COP1: variants seen among roughly 807,000 people sequenced by gnomAD.
COP1 encodes E3 ubiquitin-protein ligase COP1.
Under a neutral mutation model 101.3 loss-of-function variants are expected in COP1, and 24 were observed. The observed-to-expected ratio is 0.24, with a 90% confidence interval of 0.17 to 0.33. COP1 has a LOEUF of 0.33. Ranked by LOEUF, COP1 falls within the 10% of genes least tolerant of loss-of-function variation. COP1 has a pLI of 1.00. For missense variants in COP1, 663 were observed against 906.2 expected (o/e 0.73, Z 3.45); for synonymous variants, 347 against 341.9 (o/e 1.01, Z -0.17).
chr1:176,094,332 C>T (rs1313894829), intron 9 of COP1, among the ~76,000 whole-genome samples: 2 of 151,714 alleles, frequency 1.3e-5, no homozygotes, highest in Non-Finnish European at 2.9e-5. Flanking sequence ...ATATGCAACA[C>T]TTGGGTCATC....
intron 18 of COP1, among the ~76,000 whole-genome samples, chr1:175,969,534 C>T (rs1652831846): frequency 6.6e-6 from 1 of 152,158 alleles, no homozygotes. Context: ...AGTTTATTAC[C>T]ATTAGATCAT....
intron 1 of COP1, among the ~76,000 whole-genome samples, chr1:176,197,744 A>T (rs1326656103): frequency 2.0e-5 from 3 of 152,252 alleles, no homozygotes; most frequent in African/African-American, 7.2e-5. Flanking sequence ...ATTCATATAC[A>T]GATAACATGA....
At chr1:176,112,312 T>C (rs986402478) in intron 9 of COP1, among the ~76,000 whole-genome samples, 58 of 152,168 alleles carry the variant, frequency 3.8e-4, no homozygotes, top group Non-Finnish European at 8.1e-4. Context: ...ACATTTTTTT[T>C]AAATTTTATT....
intron 14 of COP1, among the ~76,000 whole-genome samples, chr1:176,029,398 C>T (rs1442785487): frequency 2.0e-5 from 3 of 152,018 alleles, no homozygotes; most frequent in South Asian, 2.1e-4. Flanking sequence ...AATGAGTTGC[C>T]ATTTTACAAA....
At chr1:176,163,200 G>A (rs1694598808) in intron 4 of COP1, among the ~76,000 whole-genome samples, 2 of 152,090 alleles carry the variant, frequency 1.3e-5, no homozygotes, top group South Asian at 4.1e-4. Flanking sequence ...AATGAATTTA[G>A]ATAACAAATA....
At chr1:176,139,045 T>C (rs1276827018) in intron 6 of COP1, among the ~76,000 whole-genome samples, 1 of 152,042 alleles carries the variant, frequency 6.6e-6, no homozygotes, top group Non-Finnish European at 1.5e-5. Context: ...AAAAGTCTAA[T>C]ATCCAGAATC....
At chr1:176,027,928 TCA>T (rs1557954774) in intron 14 of COP1, among the ~76,000 whole-genome samples, 1 of 149,414 alleles carries the variant, frequency 6.7e-6, no homozygotes, top group African/African-American at 2.5e-5. Flanking sequence ...TTTAATTGAC[TCA>T]CAGTTCCACA....
intron 9 of COP1, among the ~76,000 whole-genome samples, chr1:176,111,421 G>C (rs938876697): frequency 1.3e-5 from 2 of 152,022 alleles, no homozygotes; most frequent in Non-Finnish European, 2.9e-5. Flanking sequence ...AGCCTCCTGA[G>C]CAGCTGGGAC....
Position 176,207,241 on chromosome 1 carries a change from A to G in COP1, c.-263T>C. 1 of 397,598 alleles carries G rather than the reference A, an allele frequency of 2.5e-6. No individual in the cohort carries two copies. The highest frequency in any genetic ancestry group is 4.4e-6 in the Non-Finnish European group (1 of 225,674). 24.6% of individuals were successfully genotyped at this position (397,598 alleles called of 1,614,324 possible). ...CCGCCGCCACCGCGGTCCCTGTAGC[A>G]GCCAACCCCGGCGCGCCGTGGCCGG... On this transcript the variant is annotated 5_prime_UTR_variant, in exon 1 of 20. Coordinates refer to ENST00000367669, the MANE Select transcript of COP1 (RefSeq NM_022457.7).
In COP1 at chr1:176,143,123, CGAGAGA is replaced by C. The variant is rs71129558; in HGVS notation, c.831+5877_831+5882del. 4.2e-3 allele frequency among the ~76,000 whole-genome samples: 617 copies of C among 146,826 alleles called. 4 individuals carry two copies. Among genetic ancestry groups the C allele is most frequent in the Non-Finnish European group, 7.0e-3 (470 of 66,986 alleles). ...GCAAGAATTGATCCAACAGAACAAG[CGAGAGA>C]GAGAGAGAGCGAGAGAAAGAGAGAG... is the stretch of plus-strand genomic sequence containing the variant. On this transcript the variant is annotated intron_variant, in intron 6 of 19. Transcript: ENST00000367669.
intron 11 of COP1, among the ~76,000 whole-genome samples, chr1:176,047,279 A>G (rs1174990590): frequency 6.6e-6 from 1 of 152,234 alleles, no homozygotes; most frequent in African/African-American, 2.4e-5. Flanking sequence ...TTCACTTACT[A>G]AAACATTTTG....
At chr1:176,042,463 T>G (rs1312316960) in intron 14 of COP1, among the ~76,000 whole-genome samples, 6 of 114,566 alleles carry the variant, frequency 5.2e-5, no homozygotes, top group Admixed American at 9.7e-5. Flanking sequence ...CTCGGGAGGG[T>G]GAGGCAGGAG....
intron 9 of COP1, among the ~76,000 whole-genome samples, chr1:176,086,318 C>G (rs977886491): frequency 1.3e-5 from 2 of 151,604 alleles, no homozygotes; most frequent in African/African-American, 4.8e-5. Flanking sequence ...CTCTACCTCC[C>G]AGTTTCTCGA....
Position 176,049,035 on chromosome 1 carries a change from G to A in COP1, c.1278-2711C>T, listed in dbSNP as rs548827353. 1.4e-4 allele frequency among the ~76,000 whole-genome samples: 21 copies of A among 151,546 alleles called. No individual in the cohort carries two copies. In the East Asian group the frequency reaches 2.9e-3, roughly 21 times the overall value. On this transcript the variant is annotated intron_variant, in intron 11 of 19. Transcript: ENST00000367669. ...AAAATACAAAAAATTAGCCAGGCGC[G>A]GTGGCGGGCGCCTGTAGTCCCAGCT...
chr1:176,190,995 AC>A (rs1699060965), intron 1 of COP1, among the ~76,000 whole-genome samples: 1 of 152,048 alleles, frequency 6.6e-6, no homozygotes, highest in Non-Finnish European at 1.5e-5. Flanking sequence ...AGCAGTAGTT[AC>A]ACCTCACATA....
chr1:176,029,363 G>A (rs1333961002), intron 14 of COP1, among the ~76,000 whole-genome samples: 1 of 152,058 alleles, frequency 6.6e-6, no homozygotes, highest in Non-Finnish European at 1.5e-5. Flanking sequence ...AGCAAAATAG[G>A]TCTGATTTGA....
At chr1:176,086,089 T>G (rs1194282319) in intron 9 of COP1, among the ~76,000 whole-genome samples, 199 bp from the exon 10 acceptor site, 1 of 152,122 alleles carries the variant, frequency 6.6e-6, no homozygotes, top group Non-Finnish European at 1.5e-5. Context: ...CGCAGAATGA[T>G]TAAAACTAAT....
At chr1:175,990,762 T>A (rs575271127) in intron 15 of COP1, among the ~76,000 whole-genome samples, 330 of 152,270 alleles carry the variant, frequency 2.2e-3, no homozygotes, top group Non-Finnish European at 3.2e-3. Context: ...CTAAGTATAT[T>A]CTGTTCGACC....
chr1:176,075,384 A>C (rs1201872101), intron 11 of COP1, among the ~76,000 whole-genome samples: 1 of 152,216 alleles, frequency 6.6e-6, no homozygotes, highest in Admixed American at 6.5e-5. Flanking sequence ...TAGTCCTGTA[A>C]ATGAAAAGCA....
Sources: allele counts gnomAD v4.1 joint callset (sites outside exome capture counted in the v4.1 genomes callset), GRCh38; gene constraint gnomAD v4.1.1; transcripts MANE v1.5; gene names NCBI Gene and HGNC (gene_info 2026-07-23, HGNC 2026-07-21).